Variants in CUBN observed in about 807,000 individuals in gnomAD.
The protein encoded by CUBN is 460 kDa receptor.
Under a neutral mutation model 405.3 loss-of-function variants are expected in CUBN, and 282 were observed. The ratio of observed to expected loss-of-function variants is 0.70; its 90% CI spans 0.63 to 0.77. CUBN has a LOEUF of 0.77. Among genes scored for constraint, CUBN ranks in the 30% least tolerant of loss-of-function variants. CUBN has a pLI of 0.00. For missense variants in CUBN, 4,514 were observed against 4,475.2 expected, an observed-to-expected ratio of 1.01 and a Z score of -0.25; for synonymous variants, 1,684 against 1,617.0, an observed-to-expected ratio of 1.04 and a Z score of -0.99.
chr10:16,943,392 T>C (rs1281618930), intron 36 of CUBN, among the ~76,000 whole-genome samples: 2 of 152,344 alleles, frequency 1.3e-5, no homozygotes, highest in African/African-American at 2.4e-5. Flanking sequence ...ATTTGTCTCC[T>C]TTGACAATCT....
At chr10:16,956,563 C>T (rs1038901132) in intron 31 of CUBN, among the ~76,000 whole-genome samples, 1 of 151,968 alleles carries the variant, frequency 6.6e-6, no homozygotes, top group Non-Finnish European at 1.5e-5. Flanking sequence ...AATATCACCA[C>T]CATTGGTTTA....
At chr10:16,825,306 A>G (rs1187653058) in intron 66 of CUBN, among the ~76,000 whole-genome samples, 2 of 152,050 alleles carry the variant, frequency 1.3e-5, no homozygotes, top group Non-Finnish European at 2.9e-5. Context: ...AGGACTGCAA[A>G]TGGGTACTGG....
intron 27 of CUBN, among the ~76,000 whole-genome samples, chr10:17,022,667 G>T (rs947157110): frequency 1.1e-4 from 17 of 152,158 alleles, no homozygotes; most frequent in African/African-American, 3.6e-4. Context: ...CTTCCCTGCA[G>T]GAGATTCATC....
intron 29 of CUBN, among the ~76,000 whole-genome samples, chr10:16,985,057 AG>A (rs1387001252): frequency 6.6e-6 from 1 of 152,234 alleles, no homozygotes; most frequent in Non-Finnish European, 1.5e-5. Flanking sequence ...GACAGCAGAC[AG>A]GGAAACACTG....
chr10:17,039,063 T>C (rs1414252247), intron 27 of CUBN, among the ~76,000 whole-genome samples: 1 of 145,496 alleles, frequency 6.9e-6, no homozygotes, highest in African/African-American at 2.6e-5. Flanking sequence ...GTCCTGGAAA[T>C]GTTTCATCTC....
chr10:16,939,177 A>G, intron 37 of CUBN, 30 bp from the exon 38 acceptor site: 1 of 1,557,710 alleles, frequency 6.4e-7, no homozygotes, highest in African/African-American at 1.4e-5. Flanking sequence ...AGTAAATCAG[A>G]CCCACTTAGA....
chr10:16,976,839 G>A (rs11254316), intron 31 of CUBN, among the ~76,000 whole-genome samples: 8,537 of 151,918 alleles, frequency 0.056, 807 homozygotes, highest in African/African-American at 0.19. Context: ...TCTCTGCCTA[G>A]TCCCCCCAAA....
chr10:16,829,829 G>T (rs557149743), intron 65 of CUBN, among the ~76,000 whole-genome samples: 199 of 148,176 alleles, frequency 1.3e-3, no homozygotes, highest in African/African-American at 4.5e-3. Context: ...TGTTTGGTTG[G>T]TTTTTTTTTT....
intron 36 of CUBN, among the ~76,000 whole-genome samples, chr10:16,941,681 A>C (rs1404153153): frequency 1.7e-5 from 2 of 120,722 alleles, no homozygotes; most frequent in Admixed American, 9.7e-5. Flanking sequence ...CCCTCTCTAC[A>C]AAAAATAAAA....
chr10:17,074,552 C>T (rs1564504880), intron 17 of CUBN, among the ~76,000 whole-genome samples: 1 of 152,186 alleles, frequency 6.6e-6, no homozygotes, highest in Admixed American at 6.5e-5. Flanking sequence ...TTAATGCATA[C>T]TGAATTTTCC....
intron 31 of CUBN, among the ~76,000 whole-genome samples, chr10:16,963,492 T>C (rs1211164453): frequency 3.3e-5 from 5 of 152,152 alleles, no homozygotes; most frequent in African/African-American, 4.8e-5. Context: ...CGGCCTCATA[T>C]ATAAATTTCT....
chr10:16,860,839 G>A (rs970140240), intron 59 of CUBN, among the ~76,000 whole-genome samples: 1 of 151,944 alleles, frequency 6.6e-6, no homozygotes, highest in African/African-American at 2.4e-5. Context: ...CTAAACTATT[G>A]CAATACTTTT....
At chr10:17,043,780 C>A in intron 26 of CUBN, 47 bp downstream of exon 26, 1 of 1,583,112 alleles carries the variant, frequency 6.3e-7, no homozygotes, top group Non-Finnish European at 8.6e-7. Context: ...GGTATTCACA[C>A]TTACTCTGCC....
intron 31 of CUBN, among the ~76,000 whole-genome samples, chr10:16,968,828 C>T (rs762025122): frequency 6.6e-6 from 1 of 152,218 alleles, no homozygotes; most frequent in East Asian, 1.9e-4. Flanking sequence ...CATGCCCAGC[C>T]GATGGGTCCC....
chr10:16,991,047 A>G (rs1833571092), intron 28 of CUBN, among the ~76,000 whole-genome samples: 2 of 113,756 alleles, frequency 1.8e-5, no homozygotes, highest in African/African-American at 2.8e-5. Flanking sequence ...TATAGTTCCT[A>G]ACTCAGCAAA....
At chr10:17,106,571 C>G (rs1014803654) in intron 10 of CUBN, among the ~76,000 whole-genome samples, 14 of 146,484 alleles carry the variant, frequency 9.6e-5, no homozygotes, top group Non-Finnish European at 1.8e-4. Flanking sequence ...GCACTCCAGC[C>G]TGGGAGACAG....
chr10:16,857,590 G>T (rs1839898478), intron 59 of CUBN, among the ~76,000 whole-genome samples: 4 of 152,152 alleles, frequency 2.6e-5, no homozygotes, highest in Admixed American at 2.6e-4. Context: ...GATCATGTCA[G>T]TTGATGCTGA....
chr10:17,064,834 A>G (rs879455817), intron 22 of CUBN, among the ~76,000 whole-genome samples: 1 of 152,200 alleles, frequency 6.6e-6, no homozygotes, highest in Non-Finnish European at 1.5e-5. Flanking sequence ...AATAGGAAAA[A>G]TACAATGAAA....
intron 27 of CUBN, among the ~76,000 whole-genome samples, chr10:17,029,181 T>C (rs4747294): frequency 0.018 from 2,678 of 152,338 alleles, 218 homozygotes; most frequent in Admixed American, 0.14. Flanking sequence ...CAGAGTTTCT[T>C]TTGAATCTGA....
Sources: allele counts gnomAD v4.1 joint callset (sites outside exome capture counted in the v4.1 genomes callset), GRCh38; gene constraint gnomAD v4.1.1; transcripts MANE v1.5; gene names NCBI Gene and HGNC (gene_info 2026-07-23, HGNC 2026-07-21).